The following DMD variants were observed in gnomAD, a reference collection of about 807,000 sequenced individuals.
DMD encodes the protein mutant dystrophin.
DMD carries 63 observed loss-of-function variants against 330.1 expected under a neutral mutation model. The observed-to-expected ratio is 0.19, with a 90% CI of 0.16 to 0.24. DMD has a LOEUF of 0.24. Ranked by LOEUF, DMD falls within the 10% of genes least tolerant of loss-of-function variation. The probability of loss-of-function intolerance (pLI) is 1.00; values close to 1 mark genes in which losing one functional copy is unlikely to be tolerated. For missense variants in DMD, 3,344 were observed against 2,684.1 expected (o/e 1.25, Z -5.43); for synonymous variants, 1,223 against 959.8 (o/e 1.27, Z -5.07).
intron 34 of DMD, among the ~76,000 whole-genome samples, chrX:32,372,498 C>T (rs1355744940): frequency 9.0e-6 from 1 of 111,502 alleles, no homozygotes; most frequent in African/African-American, 3.3e-5. Context: ...TATTCTACAG[C>T]TATCAGTGTT....
At chrX:32,084,398 G>A (rs1656056774) in intron 44 of DMD, among the ~76,000 whole-genome samples, 3 of 111,224 alleles carry the variant, frequency 2.7e-5, no homozygotes, top group Admixed American at 1.9e-4. Flanking sequence ...TGGTTGGAGT[G>A]CCTTTTTCAA....
intron 29 of DMD, among the ~76,000 whole-genome samples, chrX:32,426,551 C>A (rs1488401191): frequency 9.0e-6 from 1 of 111,130 alleles, no homozygotes; most frequent in African/African-American, 3.3e-5. Context: ...TTAGTTGAGC[C>A]CTTGTGGAAA....
intron 53 of DMD, among the ~76,000 whole-genome samples, chrX:31,668,254 A>G (rs2081541550): frequency 9.0e-6 from 1 of 111,358 alleles, no homozygotes. Flanking sequence ...TTGCAGTACA[A>G]AAGTTTTAAT....
Position 32,022,825 on chromosome X carries a change from C to CT in DMD, c.6439-54312dup, listed in dbSNP as rs753993138. 4.1e-3 allele frequency among the ~76,000 whole-genome samples: 366 copies of CT among 90,364 alleles called. 1 individual carries two copies. The highest frequency in any genetic ancestry group is 0.012 in the East Asian group (36 of 2,965). The allele number at this position is 90,364 out of a possible 115,157, so 78.5% of individuals were successfully genotyped here. ...ATCAAAGAGAACTCGGTATAATCCT[C>CT]TTTTTTTTTTTTTTTTTTTCTTCTG... On this transcript the variant is annotated intron_variant, in intron 44 of 78. Coordinates refer to ENST00000357033, the MANE Select transcript of DMD (RefSeq NM_004006.3).
At position 32,496,565 on chromosome X, in the gene DMD, G is replaced by C. The variant is rs1470446224; in HGVS notation, c.2381-5047C>G. 4.5e-5 allele frequency among the ~76,000 whole-genome samples: 5 copies of C among 111,943 alleles called. No individual in the cohort carries two copies. The East Asian group carries it at 1.4e-3, about 31-fold the overall frequency. Reference sequence around the variant, plus strand: ...TTCAAACATCATAAAATTAAAAAAAGTCAGATTTTTACTCATATTTGTTTT... The same window carrying C: ...TTCAAACATCATAAAATTAAAAAAACTCAGATTTTTACTCATATTTGTTTT... On this transcript the variant is annotated intron_variant, in intron 19 of 78. Coordinates refer to ENST00000357033, the MANE Select transcript of DMD (RefSeq NM_004006.3).
At chrX:31,710,761 A>G (rs960487399) in intron 52 of DMD, among the ~76,000 whole-genome samples, 1 of 111,736 alleles carries the variant, frequency 8.9e-6, no homozygotes, top group African/African-American at 3.3e-5. Context: ...ATCTCTAGGT[A>G]AACTACTAAA....
At chrX:31,808,429 G>A (rs1428130037) in intron 50 of DMD, among the ~76,000 whole-genome samples, 1 of 111,856 alleles carries the variant, frequency 8.9e-6, no homozygotes, top group Non-Finnish European at 1.9e-5. Context: ...ATTTGCGTCT[G>A]TAAACTGGCT....
intron 43 of DMD, among the ~76,000 whole-genome samples, chrX:32,238,157 T>C (rs981103818): frequency 1.8e-5 from 2 of 112,163 alleles, no homozygotes; most frequent in Non-Finnish European, 3.8e-5. Context: ...GAATAACAAG[T>C]CATTCCAAAA....
At chrX:32,799,763 C>G (rs2076416751) in intron 7 of DMD, among the ~76,000 whole-genome samples, 1 of 110,603 alleles carries the variant, frequency 9.0e-6, no homozygotes, top group Non-Finnish European at 1.9e-5. Flanking sequence ...AGAGATATAC[C>G]TATTATCTAT....
intron 18 of DMD, among the ~76,000 whole-genome samples, chrX:32,503,820 G>A (rs1039213296): frequency 7.2e-5 from 8 of 111,680 alleles, no homozygotes; most frequent in Non-Finnish European, 1.5e-4. Context: ...CTGGGGTGGG[G>A]CGGGGGGATT....
At chrX:32,555,513 A>G (rs769695320) in intron 16 of DMD, among the ~76,000 whole-genome samples, 1 of 111,712 alleles carries the variant, frequency 9.0e-6, no homozygotes, top group South Asian at 3.8e-4. Context: ...TTTTGTATTC[A>G]GATGACATGA....
intron 1 of DMD, among the ~76,000 whole-genome samples, chrX:33,263,816 T>C (rs779628963): frequency 1.6e-4 from 18 of 110,535 alleles, no homozygotes; most frequent in Non-Finnish European, 3.4e-4. Flanking sequence ...TTATATTGCT[T>C]TGCACGTCTG....
At chrX:32,548,854 G>A (rs754076995) in intron 16 of DMD, among the ~76,000 whole-genome samples, 1 of 111,319 alleles carries the variant, frequency 9.0e-6, no homozygotes, top group Non-Finnish European at 1.9e-5. Context: ...AAAACTTCAA[G>A]CATGATAAGA....
intron 50 of DMD, among the ~76,000 whole-genome samples, chrX:31,781,025 C>A (rs1276492297): frequency 1.8e-5 from 2 of 111,944 alleles, no homozygotes; most frequent in East Asian, 2.8e-4. Context: ...TTAATAGATT[C>A]TTTCTTGCTA....
chrX:32,589,057 A>G (rs1301804137), intron 13 of DMD, among the ~76,000 whole-genome samples: 1 of 112,007 alleles, frequency 8.9e-6, no homozygotes, highest in Non-Finnish European at 1.9e-5. Flanking sequence ...ATCCAGAGTT[A>G]CCAACTTCTG....
intron 55 of DMD, among the ~76,000 whole-genome samples, chrX:31,613,904 T>A (rs1235029286): frequency 1.8e-5 from 2 of 112,054 alleles, no homozygotes; most frequent in African/African-American, 3.2e-5. Flanking sequence ...CATTTTCCAC[T>A]ACGGGTATAT....
intron 55 of DMD, among the ~76,000 whole-genome samples, chrX:31,571,959 T>C (rs1244745935): frequency 9.0e-6 from 1 of 111,108 alleles, no homozygotes; most frequent in Non-Finnish European, 1.9e-5. Context: ...TTCTAAAGAA[T>C]TGCTAAAAAT....
At chrX:32,243,849 T>C (rs916563078) in intron 43 of DMD, among the ~76,000 whole-genome samples, 13 of 111,513 alleles carry the variant, frequency 1.2e-4, no homozygotes, top group Non-Finnish European at 2.3e-4. Flanking sequence ...CCATACATCA[T>C]TAATTTTTCC....
chrX:32,976,608 A>C (rs2092558897), intron 2 of DMD, among the ~76,000 whole-genome samples: 1 of 111,826 alleles, frequency 8.9e-6, no homozygotes, highest in Non-Finnish European at 1.9e-5. Context: ...ATACAGAAAA[A>C]TCCCATTACT....
Sources: allele counts gnomAD v4.1 joint callset (sites outside exome capture counted in the v4.1 genomes callset), GRCh38; gene constraint gnomAD v4.1.1; transcripts MANE v1.5; gene names NCBI Gene and HGNC (gene_info 2026-07-23, HGNC 2026-07-21).